The following CTNNBIP1 variants were observed in gnomAD, a reference collection of about 807,000 sequenced individuals.
The protein encoded by CTNNBIP1 is catenin beta interacting protein 1, also known as beta-catenin-interacting protein 1.
A neutral mutation model predicts 11.8 loss-of-function variants in CTNNBIP1; 7 were observed. The observed-to-expected ratio is 0.60, with a 90% CI of 0.34 to 1.12. CTNNBIP1 has a LOEUF of 1.12. CTNNBIP1 is among the 50% of genes most tolerant of loss of function. CTNNBIP1 has a pLI of 0.03. For synonymous variants in CTNNBIP1, 58 were observed against 43.9 expected (o/e 1.32, Z -1.26); for missense variants, 101 against 113.4 (o/e 0.89, Z 0.50).
rs1369252255 is a variant in CTNNBIP1, at chr1:9,871,360, GCCTGCTTGGTC to G, written c.97-94_97-84del. 9.6e-6 allele frequency: 10 copies of G among 1,041,930 alleles called. No homozygotes were observed. Among genetic ancestry groups the G allele is most frequent in the Admixed American group, 6.2e-5 (3 of 48,324 alleles). The allele number at this position is 1,041,930 out of a possible 1,614,324, so 64.5% of individuals were successfully genotyped here. On this transcript the variant is annotated intron_variant, in intron 4 of 5. Coordinates refer to ENST00000377263, the MANE Select transcript of CTNNBIP1 (RefSeq NM_020248.3). The surrounding 1 kb of genome is among the most constrained non-coding windows in gnomAD (Gnocchi z 5.2). ...CTGCACCCCTAGAGGCACCGCCTAG[GCCTGCTTGGTC>G]CCTGCTTGGTCCCTGCTCGGGCTTC...
At chr1:9,859,577 C>G (rs1044504749) in intron 5 of CTNNBIP1, among the ~76,000 whole-genome samples, 6 of 152,254 alleles carry the variant, frequency 3.9e-5, no homozygotes, top group Non-Finnish European at 7.3e-5. Context: ...ATTTGAGACT[C>G]TTAAGCTGAA....
intron 3 of CTNNBIP1, among the ~76,000 whole-genome samples, chr1:9,877,249 C>T (rs1638988844): frequency 6.6e-6 from 1 of 152,210 alleles, no homozygotes; most frequent in African/African-American, 2.4e-5. Context: ...CTGTATGGGT[C>T]TCTGTCTGGG....
intron 1 of CTNNBIP1, among the ~76,000 whole-genome samples, chr1:9,886,906 A>G (rs1365847012): frequency 6.6e-6 from 1 of 152,160 alleles, no homozygotes; most frequent in Admixed American, 6.5e-5. Flanking sequence ...AGGCCTCAGG[A>G]GCAACCGCCT....
At chr1:9,893,827 A>C (rs1419277181) in intron 1 of CTNNBIP1, among the ~76,000 whole-genome samples, 1 of 152,246 alleles carries the variant, frequency 6.6e-6, no homozygotes, top group Non-Finnish European at 1.5e-5. Context: ...ACCTGCTTCT[A>C]GAAAAGTCAC....
intron 1 of CTNNBIP1, among the ~76,000 whole-genome samples, chr1:9,884,651 G>T (rs1639149412): frequency 6.6e-6 from 1 of 152,184 alleles, no homozygotes. Flanking sequence ...GAACACATCA[G>T]AGAAAAACCA....
intron 1 of CTNNBIP1, among the ~76,000 whole-genome samples, chr1:9,896,169 G>C (rs1432375058): frequency 6.6e-6 from 1 of 152,134 alleles, no homozygotes; most frequent in Non-Finnish European, 1.5e-5. Flanking sequence ...CTTGTCTTTA[G>C]GATGTTCCAC....
rs1158693502 is a variant in CTNNBIP1, at chr1:9,872,080, T to C, written c.-16A>G. ...CGCGGTTCATCCCCCTGCCTGGCTCTGGGGACTCCTGCAGAGCAAGCAACA... is the reference window on the plus strand; with the variant it reads ...CGCGGTTCATCCCCCTGCCTGGCTCCGGGGACTCCTGCAGAGCAAGCAACA... On this transcript the variant is annotated 5_prime_UTR_variant, in exon 4 of 6. Transcript: ENST00000377263. The surrounding 1 kb of genome is among the most constrained non-coding windows in gnomAD (Gnocchi z 4.0). 1 of 1,592,522 alleles carries C rather than the reference T, an allele frequency of 6.3e-7. No homozygotes were observed. Among genetic ancestry groups the C allele is most frequent in the East Asian group, 2.2e-5 (1 of 44,768 alleles).
intron 1 of CTNNBIP1, among the ~76,000 whole-genome samples, chr1:9,901,422 C>T (rs998285987): frequency 1.3e-5 from 2 of 152,126 alleles, no homozygotes; most frequent in Non-Finnish European, 2.9e-5. Flanking sequence ...GGTGTTTGAT[C>T]CACAAGGGAT....
At chr1:9,856,297 C>T (rs960976725) in intron 5 of CTNNBIP1, among the ~76,000 whole-genome samples, 2 of 151,902 alleles carry the variant, frequency 1.3e-5, no homozygotes, top group African/African-American at 4.8e-5. Flanking sequence ...AGGAATGAGC[C>T]TCCACGCCTG....
chr1:9,888,375 A>G (rs1639229239), intron 1 of CTNNBIP1, among the ~76,000 whole-genome samples: 1 of 151,894 alleles, frequency 6.6e-6, no homozygotes, highest in Non-Finnish European at 1.5e-5. Flanking sequence ...TGAGGTCAGG[A>G]GTTCAAGACC....
chr1:9,898,353 G>A (rs1278419572), intron 1 of CTNNBIP1, among the ~76,000 whole-genome samples: 2 of 151,746 alleles, frequency 1.3e-5, no homozygotes, highest in Admixed American at 6.6e-5. Flanking sequence ...GTGAAACCCC[G>A]TCTCTGCTAA....
At chr1:9,877,808 G>A (rs1250047483) in intron 3 of CTNNBIP1, 97 bp downstream of exon 3, 3 of 152,638 alleles carry the variant, frequency 2.0e-5, no homozygotes, top group Admixed American at 6.5e-5. Context: ...CTAACTTCAT[G>A]ATCAGCCCTG....
chr1:9,894,161 C>T (rs1291952322), intron 1 of CTNNBIP1, among the ~76,000 whole-genome samples: 2 of 152,128 alleles, frequency 1.3e-5, no homozygotes, highest in Non-Finnish European at 2.9e-5. Context: ...TCCCACTGTT[C>T]ACATTTTGCT....
At chr1:9,860,010 G>A (rs762443376) in intron 5 of CTNNBIP1, among the ~76,000 whole-genome samples, 7 of 152,178 alleles carry the variant, frequency 4.6e-5, no homozygotes, top group Non-Finnish European at 8.8e-5. Context: ...TCTGGGTGTG[G>A]GAGGGACAAG....
intron 2 of CTNNBIP1, among the ~76,000 whole-genome samples, chr1:9,880,089 G>A (rs1023842626): frequency 3.8e-4 from 58 of 152,112 alleles, no homozygotes; most frequent in African/African-American, 1.4e-3. Context: ...TTTAAGATTC[G>A]CATGCATTAG....
At chr1:9,898,798 A>G (rs964331035) in intron 1 of CTNNBIP1, among the ~76,000 whole-genome samples, 2 of 152,216 alleles carry the variant, frequency 1.3e-5, no homozygotes, top group African/African-American at 4.8e-5. Flanking sequence ...TAACCTATGC[A>G]CATCCTGCCA....
chr1:9,856,142 T>C (rs1304132368), intron 5 of CTNNBIP1, among the ~76,000 whole-genome samples: 4 of 151,268 alleles, frequency 2.6e-5, no homozygotes, highest in East Asian at 1.9e-4. Flanking sequence ...AGTGAGACTC[T>C]GTCTCAAAAA....
chr1:9,856,524 T>C (rs1478715395), intron 5 of CTNNBIP1, among the ~76,000 whole-genome samples: 3 of 151,230 alleles, frequency 2.0e-5, no homozygotes, highest in African/African-American at 4.9e-5. Context: ...TTTTTTTTTT[T>C]TTTTTTGAGA....
At chr1:9,895,930 C>T (rs1639400109) in intron 1 of CTNNBIP1, among the ~76,000 whole-genome samples, 1 of 152,128 alleles carries the variant, frequency 6.6e-6, no homozygotes, top group Non-Finnish European at 1.5e-5. Context: ...GCCCGACCTT[C>T]CCAAGGAATT....
Sources: gnomAD v4.1 joint callset for allele counts (sites outside exome capture counted in the v4.1 genomes callset) on GRCh38, gnomAD v4.1.1 for gene constraint, Gnocchi (gnomAD v3.1) non-coding constraint, MANE v1.5 for transcripts, NCBI Gene and HGNC (gene_info 2026-07-23, HGNC 2026-07-21) for gene names.